FAM193B: variants seen among roughly 807,000 people sequenced by gnomAD.
FAM193B encodes family with sequence similarity 193 member B, also known as protein FAM193B.
In FAM193B, 27 loss-of-function variants were observed where a neutral mutation model predicts 70.7. The observed-to-expected ratio is 0.38, with a 90% CI of 0.28 to 0.53. The LOEUF (loss-of-function observed/expected upper bound fraction) is 0.53, where lower values mean the gene tolerates loss of function less well. FAM193B is among the 20% of genes least tolerant of loss of function. The pLI, the probability that FAM193B is intolerant of heterozygous loss-of-function variation, is 0.81. For missense variants in FAM193B, 1,022 were observed against 1,072.5 expected, an observed-to-expected ratio of 0.95 and a Z score of 0.66; for synonymous variants, 448 against 436.0, an observed-to-expected ratio of 1.03 and a Z score of -0.34.
In FAM193B at chr5:177,524,783, T is replaced by A; in HGVS notation, c.1698A>T (p.Pro566=). The part of the protein sequence containing the change: ...PWAEMRGPHP[P]WTEVRGPPPG... ...GAGGGGGCCCCCTCACCTCTGTCCA[T>A]GGTGGGTGGGGGCCTCTCATTTCTG... The change falls in exon 6 of 9, where the codon CCA becomes CCT. Residue 566 remains proline (P), a synonymous_variant. Transcript: ENST00000514747. 2.0e-6 allele frequency: 3 copies of A among 1,519,300 alleles called. No individual in the cohort carries two copies. The highest frequency in any genetic ancestry group is 2.6e-6 in the Non-Finnish European group (3 of 1,136,044). 94.1% of individuals were successfully genotyped at this position (1,519,300 alleles called of 1,614,324 possible). A position where few individuals can be genotyped will look rare whatever the true frequency, so the allele number is the denominator to read the frequency against.
In FAM193B at chr5:177,532,368, T is replaced by G; in HGVS notation, c.1275+75A>C. 6.5e-7 allele frequency: 1 copy of G among 1,532,180 alleles called. No homozygotes were observed. The highest frequency in any genetic ancestry group is 1.4e-5 in the African/African-American group (1 of 71,938). 94.9% of individuals were successfully genotyped at this position (1,532,180 alleles called of 1,614,324 possible). Reference sequence around the variant, plus strand: ...TTACCACCGTGAGCAACGGGGTCTCTGGGGAGAGCAGGGTGCTCCTTTTGC... The same window carrying G: ...TTACCACCGTGAGCAACGGGGTCTCGGGGGAGAGCAGGGTGCTCCTTTTGC... On this transcript the variant is annotated intron_variant, in intron 5 of 8. Coordinates refer to ENST00000514747, the MANE Select transcript of FAM193B (RefSeq NM_001190946.3). This position sits in a 1 kb window ranked among gnomAD's most constrained non-coding sequence, Gnocchi z 4.9.
intron 8 of FAM193B, among the ~76,000 whole-genome samples, chr5:177,521,511 C>T (rs1761734089): frequency 1.3e-5 from 2 of 152,238 alleles, no homozygotes; most frequent in African/African-American, 4.8e-5. Context: ...GGGCTGGCCC[C>T]TTCTTATACT....
At position 177,542,965 on chromosome 5, in the gene FAM193B, A is replaced by G. The variant is rs565151568; in HGVS notation, c.211-3818T>C. ...AGATTTGCTAGGTGTCCCCATGGCA[A>G]TGCAGCCGGCAGGCAGTCCAATGAG... On this transcript the variant is annotated intron_variant, in intron 1 of 8. Transcript: ENST00000514747. Among the ~76,000 whole-genome samples, 6 of 152,304 alleles carry G rather than the reference A, an allele frequency of 3.9e-5. No individual in the cohort carries two copies. The East Asian group carries it at 7.7e-4, about 20-fold the overall frequency.
chr5:177,551,284 T>C (rs572340777), intron 1 of FAM193B, among the ~76,000 whole-genome samples: 1 of 152,200 alleles, frequency 6.6e-6, no homozygotes, highest in East Asian at 1.9e-4. Flanking sequence ...TTTTTTTGTT[T>C]GTTTTGTTTT....
At chr5:177,539,914 T>G (rs1764641692) in intron 1 of FAM193B, among the ~76,000 whole-genome samples, 1 of 152,140 alleles carries the variant, frequency 6.6e-6, no homozygotes, top group South Asian at 2.1e-4. Context: ...CATCACTGCG[T>G]AGCAGGTAAA....
chr5:177,523,309 A>G lies in FAM193B; in HGVS notation c.2372+648T>C, dbSNP rs960825999. 3.4e-5 allele frequency: 10 copies of G among 290,542 alleles called. No individual in the cohort carries two copies. In the Admixed American group the frequency reaches 4.1e-4, roughly 12 times the overall value. 18.0% of individuals were successfully genotyped at this position (290,542 alleles called of 1,614,324 possible). ...GCCACCGCGCTTGGCCAAAAATACT[A>G]ATTTTTAAAAAATTTGCATTATTTA... is the stretch of plus-strand genomic sequence containing the variant. On this transcript the variant is annotated intron_variant, in intron 7 of 8. Coordinates refer to ENST00000514747, the MANE Select transcript of FAM193B (RefSeq NM_001190946.3).
At position 177,538,579 on chromosome 5, in the gene FAM193B, ATC is replaced by A. The variant is rs778414284; in HGVS notation, c.453+324_453+325del. On this transcript the variant is annotated intron_variant, in intron 2 of 8. Coordinates refer to ENST00000514747, the MANE Select transcript of FAM193B (RefSeq NM_001190946.3). This position sits in a 1 kb window ranked among gnomAD's most constrained non-coding sequence, Gnocchi z 4.1. Reference sequence around the variant, plus strand: ...GGGCACATTTCAGACCCTCAAACTCATCTCTGTCTCCCATGTCATACTGGTTG... The same window carrying A: ...GGGCACATTTCAGACCCTCAAACTCATCTGTCTCCCATGTCATACTGGTTG... 1.3e-5 allele frequency among the ~76,000 whole-genome samples: 2 copies of A among 152,172 alleles called. No homozygotes were observed. The highest frequency in any genetic ancestry group is 6.5e-5 in the Admixed American group (1 of 15,276).
intron 1 of FAM193B, among the ~76,000 whole-genome samples, chr5:177,545,473 T>C (rs1261632502): frequency 6.6e-6 from 1 of 152,176 alleles, no homozygotes; most frequent in East Asian, 1.9e-4. Context: ...GCTTTAATAT[T>C]TAATTTGGTA....
intron 1 of FAM193B, among the ~76,000 whole-genome samples, chr5:177,546,283 G>C (rs1561784726): frequency 6.6e-6 from 1 of 152,202 alleles, no homozygotes; most frequent in Non-Finnish European, 1.5e-5. Context: ...ATTTAGTATA[G>C]CATCATCAAA....
chr5:177,531,363 C>T (rs2127461847), intron 5 of FAM193B: 1 of 1,361,682 alleles, frequency 7.3e-7, no homozygotes, highest in South Asian at 1.2e-5. Context: ...TGATGAATTC[C>T]AGCAGCTCAT....
chr5:177,539,679 T>G (rs1224169070), intron 1 of FAM193B, among the ~76,000 whole-genome samples: 1 of 152,188 alleles, frequency 6.6e-6, no homozygotes, highest in Non-Finnish European at 1.5e-5. Flanking sequence ...GTACAGCTAG[T>G]CAGAAAGCAT....
At chr5:177,527,429 T>G (rs1762783021) in intron 5 of FAM193B, among the ~76,000 whole-genome samples, 1 of 152,176 alleles carries the variant, frequency 6.6e-6, no homozygotes, top group African/African-American at 2.4e-5. Flanking sequence ...TGGACTGGTC[T>G]GAGCTATCAG....
chr5:177,548,506 C>G (rs978694791), intron 1 of FAM193B, among the ~76,000 whole-genome samples: 1 of 152,186 alleles, frequency 6.6e-6, no homozygotes, highest in African/African-American at 2.4e-5. Flanking sequence ...CCCTGGGAAA[C>G]CCACTGTTTG....
intron 1 of FAM193B, chr5:177,553,235 C>T (rs1181931153): frequency 2.0e-6 from 2 of 985,900 alleles, no homozygotes; most frequent in African/African-American, 1.7e-5. Flanking sequence ...ACCAGCCTCC[C>T]AGAGTCCCCT....
rs183301459 is a variant in FAM193B, at chr5:177,529,687, T to C, written c.1275+2756A>G. On this transcript the variant is annotated intron_variant, in intron 5 of 8. Transcript: ENST00000514747. ...TGTCAGAAGAAAAGGTGAGAGAAGA[T>C]AGCATTATCAGTAAAGGGGAAGAGA... Among the ~76,000 whole-genome samples the C allele has an allele frequency of 1.1e-4, 16 of 152,258 alleles. No individual in the cohort carries two copies. In the South Asian group the frequency reaches 2.3e-3, roughly 22 times the overall value.
intron 1 of FAM193B, among the ~76,000 whole-genome samples, chr5:177,539,894 T>C (rs920558717): frequency 1.3e-5 from 2 of 152,236 alleles, no homozygotes; most frequent in Admixed American, 6.5e-5. Context: ...TGCAGAGTTG[T>C]TGTAAGGATC....
intron 1 of FAM193B, among the ~76,000 whole-genome samples, chr5:177,547,901 C>G (rs1371802057): frequency 6.6e-6 from 1 of 152,150 alleles, no homozygotes; most frequent in African/African-American, 2.4e-5. Flanking sequence ...AACCATGCAG[C>G]TGCTGTGCTG....
intron 1 of FAM193B, among the ~76,000 whole-genome samples, chr5:177,542,297 G>A (rs1446650646): frequency 1.3e-5 from 2 of 152,156 alleles, no homozygotes; most frequent in Non-Finnish European, 2.9e-5. Context: ...TAAGATGCTG[G>A]GCTAGTTCTA....
rs1398488340 is a variant in FAM193B at position 177,538,676 on chromosome 5, T to C, written c.453+229A>G. ...ACCAGTACCTATGAGTGGGCCCTCA[T>C]CCTGTGCACAGACCACCCTGAGGGA... On this transcript the variant is annotated intron_variant, in intron 2 of 8. Transcript: ENST00000514747. The surrounding 1 kb of genome is among the most constrained non-coding windows in gnomAD (Gnocchi z 4.1). 6.6e-6 allele frequency among the ~76,000 whole-genome samples: 1 copy of C among 152,168 alleles called. No homozygotes were observed. Among genetic ancestry groups the C allele is most frequent in the African/African-American group, 2.4e-5 (1 of 41,434 alleles).
Sources: gnomAD v4.1 joint callset for allele counts (sites outside exome capture counted in the v4.1 genomes callset) on GRCh38, gnomAD v4.1.1 for gene constraint, Gnocchi (gnomAD v3.1) non-coding constraint, MANE v1.5 for transcripts, NCBI Gene and HGNC (gene_info 2026-07-23, HGNC 2026-07-21) for gene names.